BASP1: variants seen among roughly 807,000 people sequenced by gnomAD.
The protein encoded by BASP1 is brain abundant membrane attached signal protein 1, also known as brain acid soluble protein 1.
A neutral mutation model predicts 2.2 loss-of-function variants in BASP1; 1 was observed. The ratio of observed to expected loss-of-function variants is 0.46; its 90% CI spans 0.16 to 2.17. The LOEUF is 2.17. BASP1 is among the 30% of genes most tolerant of loss of function. The pLI is 0.27. For missense variants in BASP1, 352 were observed against 327.2 expected (o/e 1.08, Z -0.58); for synonymous variants, 187 against 154.2 (o/e 1.21, Z -1.58).
chr5:17,238,459 G>A lies in BASP1; in HGVS notation c.-10+20649G>A, dbSNP rs1739792022. On this transcript the variant is annotated intron_variant, in intron 1 of 1. Coordinates refer to ENST00000322611, the MANE Select transcript of BASP1 (RefSeq NM_006317.5). The stretch of plus-strand genomic sequence containing the variant: ...TAGTTAAGTGTTAATGGAGACTAAC[G>A]TCAAGCTTCAGAACAGTGAGGAGAA... Among the ~76,000 whole-genome samples the A allele has an allele frequency of 2.0e-5, 3 of 152,110 alleles. No individual in the cohort carries two copies. The South Asian group carries it at 6.2e-4, about 31-fold the overall frequency.
At chr5:17,239,810 C>G (rs550070608) in intron 1 of BASP1, among the ~76,000 whole-genome samples, 1 of 152,186 alleles carries the variant, frequency 6.6e-6, no homozygotes, top group Non-Finnish European at 1.5e-5. Flanking sequence ...TGAATTTGTA[C>G]TAATTCAAAA....
chr5:17,226,555 G>T (rs1353818227), intron 1 of BASP1, among the ~76,000 whole-genome samples: 1 of 152,238 alleles, frequency 6.6e-6, no homozygotes, highest in African/African-American at 2.4e-5. Flanking sequence ...AGACAGAGAA[G>T]AAAGGTTTCC....
At chr5:17,231,604 G>A (rs1739635376) in intron 1 of BASP1, among the ~76,000 whole-genome samples, 1 of 152,090 alleles carries the variant, frequency 6.6e-6, no homozygotes, top group Non-Finnish European at 1.5e-5. Context: ...CATGCCTACT[G>A]CTTTTTCTGC....
intron 1 of BASP1, among the ~76,000 whole-genome samples, chr5:17,261,051 G>A (rs1382515397): frequency 6.6e-6 from 1 of 152,180 alleles, no homozygotes; most frequent in African/African-American, 2.4e-5. Context: ...TAAATAAAAT[G>A]TAAAAGGCTT....
intron 1 of BASP1, among the ~76,000 whole-genome samples, chr5:17,246,959 A>T (rs371216962): frequency 8.5e-4 from 129 of 152,300 alleles, no homozygotes; most frequent in African/African-American, 2.6e-3. Context: ...GGCTGAGGCC[A>T]GCGGATTGCC....
chr5:17,226,255 T>C (rs1739502687), intron 1 of BASP1, among the ~76,000 whole-genome samples: 2 of 152,374 alleles, frequency 1.3e-5, no homozygotes, highest in South Asian at 4.1e-4. Flanking sequence ...AGAAAAGCTG[T>C]GGTTCTATTA....
chr5:17,246,030 T>C (rs192381657), intron 1 of BASP1, among the ~76,000 whole-genome samples: 66 of 152,322 alleles, frequency 4.3e-4, no homozygotes, highest in African/African-American at 1.6e-3. Flanking sequence ...TTAGATGTTT[T>C]CTAGAATTTT....
At position 17,236,158 on chromosome 5, in the gene BASP1, G is replaced by GAA. The variant is rs1739740194; in HGVS notation, c.-10+18349_-10+18350insAA. The stretch of plus-strand genomic sequence containing the variant: ...CCCCACCCTTGCGTTTAGTCTTTAA[G>GAA]ACTATTCTACCTTGGGGGAGAAAAG... On this transcript the variant is annotated intron_variant, in intron 1 of 1. Coordinates refer to ENST00000322611, the MANE Select transcript of BASP1 (RefSeq NM_006317.5). The surrounding 1 kb of genome is among the most constrained non-coding windows in gnomAD (Gnocchi z 4.0). Among the ~76,000 whole-genome samples, 2 of 152,160 alleles carry GAA rather than the reference G, an allele frequency of 1.3e-5. No individual in the cohort carries two copies. Among genetic ancestry groups the GAA allele is most frequent in the South Asian group, 4.1e-4 (2 of 4,834 alleles).
chr5:17,271,840 G>A lies in BASP1; in HGVS notation c.-9-3368G>A, dbSNP rs149024855. ...CCAGCATTTCGGGAGGCCGAAGTGG[G>A]CAGATCACCTGAGGTCAGGAGTTCA... On this transcript the variant is annotated intron_variant, in intron 1 of 1. Coordinates refer to ENST00000322611, the MANE Select transcript of BASP1 (RefSeq NM_006317.5). Among the ~76,000 whole-genome samples the A allele has an allele frequency of 2.6e-3, 390 of 152,158 alleles. 1 individual carries two copies. Among genetic ancestry groups the A allele is most frequent in the African/African-American group, 8.9e-3 (368 of 41,532 alleles).
chr5:17,220,394 A>G (rs1241358684), intron 1 of BASP1, among the ~76,000 whole-genome samples: 2 of 152,136 alleles, frequency 1.3e-5, no homozygotes, highest in African/African-American at 4.8e-5. Context: ...ATATAGAACA[A>G]ATTCAATAGC....
chr5:17,270,738 T>A (rs913642203), intron 1 of BASP1, among the ~76,000 whole-genome samples: 1 of 152,224 alleles, frequency 6.6e-6, no homozygotes, highest in Admixed American at 6.5e-5. Flanking sequence ...ATTTTCAAAC[T>A]AAATGATGGG....
intron 1 of BASP1, among the ~76,000 whole-genome samples, chr5:17,219,153 C>G (rs1423048007): frequency 6.6e-6 from 1 of 150,908 alleles, no homozygotes; most frequent in Non-Finnish European, 1.5e-5. Flanking sequence ...CCCCAGTATA[C>G]TGCAGGCAAA....
intron 1 of BASP1, chr5:17,240,796 GAAGT>G (rs1444044412): frequency 6.6e-6 from 1 of 152,146 alleles, no homozygotes; most frequent in Non-Finnish European, 1.5e-5. Flanking sequence ...AGAACTGTGA[GAAGT>G]AAGTATTGAT....
At chr5:17,223,632 C>CT (rs1225063765) in intron 1 of BASP1, among the ~76,000 whole-genome samples, 1 of 152,096 alleles carries the variant, frequency 6.6e-6, no homozygotes, top group African/African-American at 2.4e-5. Flanking sequence ...TGAATTTGTA[C>CT]TTTTTTTAAT....
chr5:17,218,572 C>T (rs905601744), intron 1 of BASP1, among the ~76,000 whole-genome samples: 2 of 152,086 alleles, frequency 1.3e-5, no homozygotes, highest in South Asian at 4.1e-4. Context: ...ATGCGCCAGG[C>T]GCCTCCGCCC....
intron 1 of BASP1, among the ~76,000 whole-genome samples, chr5:17,226,300 A>C (rs1739503752): frequency 6.6e-6 from 1 of 152,256 alleles, no homozygotes; most frequent in African/African-American, 2.4e-5. Context: ...TTATGAAGAA[A>C]TAGCTGTTAG....
In BASP1 at chr5:17,258,066, C is replaced by T. The variant is rs77303712; in HGVS notation, c.-9-17142C>T. On this transcript the variant is annotated intron_variant, in intron 1 of 1. Coordinates refer to ENST00000322611, the MANE Select transcript of BASP1 (RefSeq NM_006317.5). ...TGGCTAAACTGTGGTACTAACAAGA[C>T]GGCAGTTGGCTGCTGGGGAAATTCT... Among the ~76,000 whole-genome samples, 263 of 152,262 alleles carry T rather than the reference C, an allele frequency of 1.7e-3. 2 individuals carry two copies. The highest frequency in any genetic ancestry group is 5.0e-3 in the South Asian group (24 of 4,824).
rs1034066410 is a variant in BASP1 at position 17,275,969 on chromosome 5, C to A, written c.*69C>A. 38 of 987,518 alleles carry A rather than the reference C, an allele frequency of 3.8e-5. No individual in the cohort carries two copies. Among genetic ancestry groups the A allele is most frequent in the Admixed American group, 3.6e-4 (11 of 30,522 alleles). 61.2% of individuals were successfully genotyped at this position (987,518 alleles called of 1,614,324 possible). A position where few individuals can be genotyped will look rare whatever the true frequency, so the allele number is the denominator to read the frequency against. On this transcript the variant is annotated 3_prime_UTR_variant, in exon 2 of 2. Transcript: ENST00000322611. This position sits in a 1 kb window ranked among gnomAD's most constrained non-coding sequence, Gnocchi z 5.3. ...CCTCTCTCTCTCTCTCTCTCTCTCT[C>A]TATCTCTCTCTCTATCTCCTCTCTC...
intron 1 of BASP1, among the ~76,000 whole-genome samples, chr5:17,253,169 C>T (rs1740134668): frequency 6.6e-6 from 1 of 151,932 alleles, no homozygotes; most frequent in African/African-American, 2.4e-5. Flanking sequence ...TATTTAGTTA[C>T]TTTAAAAAGG....
Sources: allele counts gnomAD v4.1 joint callset (sites outside exome capture counted in the v4.1 genomes callset), GRCh38; gene constraint gnomAD v4.1.1; non-coding constraint Gnocchi (gnomAD v3.1); transcripts MANE v1.5; gene names NCBI Gene and HGNC (gene_info 2026-07-23, HGNC 2026-07-21).